Variants in CCDC3 observed in about 807,000 individuals in gnomAD.
CCDC3 encodes coiled-coil domain containing 3.
In CCDC3, 24 loss-of-function variants were observed where a neutral mutation model predicts 21.4. The ratio of observed to expected loss-of-function variants is 1.12; its 90% confidence interval spans 0.81 to 1.58. The LOEUF (loss-of-function observed/expected upper bound fraction) is 1.58, where lower values mean the gene tolerates loss of function less well. Among genes scored for constraint, CCDC3 ranks in the 40% most tolerant of loss-of-function variants. The probability of loss-of-function intolerance (pLI) is 0.00; values close to 1 mark genes in which losing one functional copy is unlikely to be tolerated. For missense variants in CCDC3, 425 were observed against 360.9 expected (o/e 1.18, Z -1.44); for synonymous variants, 186 against 166.0 (o/e 1.12, Z -0.93).
At chr10:13,093,822 G>C (rs568066186) in intron 3 of CCDC3, among the ~76,000 whole-genome samples, 2 of 152,100 alleles carry the variant, frequency 1.3e-5, no homozygotes, top group Non-Finnish European at 2.9e-5. Context: ...TCCTACTACT[G>C]ATCAATTATT....
chr10:12,986,805 C>CAAA (rs929376301), intron 2 of CCDC3, among the ~76,000 whole-genome samples: 2 of 150,244 alleles, frequency 1.3e-5, no homozygotes, highest in African/African-American at 4.9e-5. Flanking sequence ...AAAACAAAAA[C>CAAA]AAAAAAGTAA....
At chr10:12,943,603 G>A (rs911586679) in intron 2 of CCDC3, among the ~76,000 whole-genome samples, 1 of 152,084 alleles carries the variant, frequency 6.6e-6, no homozygotes, top group Non-Finnish European at 1.5e-5. Context: ...AGGCAACATG[G>A]CGCTGCCCAG....
At chr10:12,979,339 T>C (rs1262514997) in intron 2 of CCDC3, among the ~76,000 whole-genome samples, 1 of 152,054 alleles carries the variant, frequency 6.6e-6, no homozygotes, top group East Asian at 1.9e-4. Flanking sequence ...CTTTCTTTTT[T>C]TCCCCTCCTG....
chr10:13,062,857 C>T (rs923125552), intron 4 of CCDC3, among the ~76,000 whole-genome samples: 4 of 152,106 alleles, frequency 2.6e-5, no homozygotes, highest in Admixed American at 6.5e-5. Context: ...TTTGCATGCC[C>T]TGCACTTGAT....
chr10:12,906,133 A>AG (rs1195488763), intron 2 of CCDC3, among the ~76,000 whole-genome samples: 2 of 152,216 alleles, frequency 1.3e-5, no homozygotes, highest in Non-Finnish European at 2.9e-5. Flanking sequence ...GGTTTCCTGA[A>AG]TGACTCGACA....
intron 2 of CCDC3, among the ~76,000 whole-genome samples, chr10:12,993,238 T>C (rs1835705708): frequency 6.6e-6 from 1 of 152,202 alleles, no homozygotes; most frequent in African/African-American, 2.4e-5. Context: ...ATGTTCTAAT[T>C]AGGTCCTGAG....
At chr10:13,024,603 T>C (rs1360184271) in intron 5 of CCDC3, among the ~76,000 whole-genome samples, 1 of 152,228 alleles carries the variant, frequency 6.6e-6, no homozygotes, top group Non-Finnish European at 1.5e-5. Flanking sequence ...AAAACAATTG[T>C]GTTATCAAAC....
At chr10:13,002,014 T>A (rs1589037042), upstream of CCDC3, among the ~76,000 whole-genome samples, 1 of 152,332 alleles carries the variant, frequency 6.6e-6, no homozygotes, top group South Asian at 2.1e-4. Context: ...GAATGACTCT[T>A]AATTTGCACG....
At chr10:13,042,610 A>C (rs764377949) in intron 5 of CCDC3, among the ~76,000 whole-genome samples, 1 of 152,190 alleles carries the variant, frequency 6.6e-6, no homozygotes, top group African/African-American at 2.4e-5. Flanking sequence ...TAATGGTCGA[A>C]AACTCCATGG....
At position 12,898,785 on chromosome 10, in the gene CCDC3, C is replaced by A. The variant is rs1276376453; in HGVS notation, c.550-106G>T. On this transcript the variant is annotated intron_variant, in intron 2 of 2. Coordinates refer to ENST00000378825, the MANE Select transcript of CCDC3 (RefSeq NM_031455.4). ...CCGAGTGCTGACAGCAACACAGACC[C>A]CGATTCCCCACCCCAGCATGGGCAT... is the stretch of plus-strand genomic sequence containing the variant. 4 of 1,326,072 alleles carry A rather than the reference C, an allele frequency of 3.0e-6. No homozygotes were observed. In the South Asian group the frequency reaches 4.3e-5, roughly 14 times the overall value. 82.1% of individuals were successfully genotyped at this position (1,326,072 alleles called of 1,614,324 possible).
intron 5 of CCDC3, among the ~76,000 whole-genome samples, chr10:13,023,585 C>A (rs1023531778): frequency 6.6e-6 from 1 of 152,120 alleles, no homozygotes. Context: ...AAGCTAGTCA[C>A]GTGGCCAAGC....
upstream of CCDC3, among the ~76,000 whole-genome samples, chr10:13,005,530 C>G (rs552022032): frequency 1.3e-5 from 2 of 152,194 alleles, no homozygotes; most frequent in African/African-American, 4.8e-5. Context: ...CATGGTTAGG[C>G]ATTCAATCTC....
At chr10:13,041,989 C>T (rs767193043) in intron 5 of CCDC3, among the ~76,000 whole-genome samples, 2 of 152,228 alleles carry the variant, frequency 1.3e-5, no homozygotes, top group South Asian at 2.1e-4. Context: ...ACCACCATCT[C>T]CCTAAGAGTG....
At chr10:12,919,083 C>G (rs1834405464) in intron 2 of CCDC3, among the ~76,000 whole-genome samples, 1 of 152,014 alleles carries the variant, frequency 6.6e-6, no homozygotes, top group South Asian at 2.1e-4. Context: ...AAAAAAGACA[C>G]CAAGTTCTAG....
At chr10:13,082,456 C>T (rs1837053894) in intron 3 of CCDC3, among the ~76,000 whole-genome samples, 1 of 152,232 alleles carries the variant, frequency 6.6e-6, no homozygotes, top group East Asian at 1.9e-4. Flanking sequence ...GGACCAGGAG[C>T]GTGACCGCTG....
chr10:12,977,591 G>A (rs1835435710), intron 2 of CCDC3, among the ~76,000 whole-genome samples: 1 of 152,216 alleles, frequency 6.6e-6, no homozygotes, highest in South Asian at 2.1e-4. Context: ...GCAACATGGA[G>A]TGGGGAGGGG....
At chr10:13,014,470 AG>A (rs869309435) in intron 5 of CCDC3, among the ~76,000 whole-genome samples, 18 of 36,612 alleles carry the variant, frequency 4.9e-4, no homozygotes, top group African/African-American at 9.9e-4. Flanking sequence ...AAAAAAAAAA[AG>A]AAAAAAAAAA....
At chr10:12,932,783 A>G (rs1056651555) in intron 2 of CCDC3, among the ~76,000 whole-genome samples, 12 of 152,222 alleles carry the variant, frequency 7.9e-5, no homozygotes, top group African/African-American at 2.9e-4. Flanking sequence ...ATTAATTATA[A>G]TGTTAGCTTT....
At chr10:12,980,339 C>T (rs576471191) in intron 2 of CCDC3, among the ~76,000 whole-genome samples, 2 of 152,274 alleles carry the variant, frequency 1.3e-5, no homozygotes, top group South Asian at 2.1e-4. Flanking sequence ...CAGTGAGAGC[C>T]AAAACAGCAT....
Sources: allele counts gnomAD v4.1 joint callset (sites outside exome capture counted in the v4.1 genomes callset), GRCh38; gene constraint gnomAD v4.1.1; transcripts MANE v1.5; gene names NCBI Gene and HGNC (gene_info 2026-07-23, HGNC 2026-07-21).